RAP1GAP2: variants seen among roughly 807,000 people sequenced by gnomAD.
The protein encoded by RAP1GAP2 is rap1 GTPase-activating protein 2.
Under a neutral mutation model 95.0 loss-of-function variants are expected in RAP1GAP2, and 27 were observed. The observed-to-expected ratio is 0.28, with a 90% CI of 0.21 to 0.39. The LOEUF (loss-of-function observed/expected upper bound fraction) is 0.39, where lower values mean the gene tolerates loss of function less well. Among genes scored for constraint, RAP1GAP2 ranks in the 10% least tolerant of loss-of-function variants. The probability of loss-of-function intolerance (pLI) is 1.00; values close to 1 mark genes in which losing one functional copy is unlikely to be tolerated. For synonymous variants in RAP1GAP2, 373 were observed against 380.9 expected (o/e 0.98, Z 0.24); for missense variants, 771 against 970.0 (o/e 0.79, Z 2.72).
At chr17:2,807,912 C>T (rs539063673) in intron 2 of RAP1GAP2, among the ~76,000 whole-genome samples, 2 of 152,234 alleles carry the variant, frequency 1.3e-5, no homozygotes, top group Non-Finnish European at 2.9e-5. Flanking sequence ...GATATTGAGA[C>T]AGCCACGTAA....
intron 3 of RAP1GAP2, among the ~76,000 whole-genome samples, chr17:2,919,807 A>G (rs1016186155): frequency 1.3e-5 from 2 of 151,996 alleles, no homozygotes; most frequent in South Asian, 2.1e-4. Context: ...GGTTCAAGCA[A>G]TTCTCCTGCC....
intron 2 of RAP1GAP2, among the ~76,000 whole-genome samples, chr17:2,813,690 G>A (rs898754344): frequency 6.6e-6 from 1 of 152,070 alleles, no homozygotes; most frequent in African/African-American, 2.4e-5. Context: ...GGCCAGGCAT[G>A]GTGGCTCACA....
At chr17:2,953,708 A>T (rs977460923) in intron 3 of RAP1GAP2, among the ~76,000 whole-genome samples, 2 of 152,058 alleles carry the variant, frequency 1.3e-5, no homozygotes, top group African/African-American at 4.8e-5. Context: ...TTAGCTGGGC[A>T]TGGGGGCGCA....
At chr17:2,962,028 G>A (rs531061842) in intron 4 of RAP1GAP2, among the ~76,000 whole-genome samples, 176 of 151,722 alleles carry the variant, frequency 1.2e-3, no homozygotes, top group African/African-American at 4.1e-3. Flanking sequence ...TCAGCCTCCT[G>A]AGTAGCTGGG....
rs2072679536 is a variant in RAP1GAP2, at chr17:2,867,900, G to A, written c.81-37384G>A. 1.3e-5 allele frequency among the ~76,000 whole-genome samples: 2 copies of A among 152,136 alleles called. No individual in the cohort carries two copies. Among genetic ancestry groups the A allele is most frequent in the South Asian group, 2.1e-4 (1 of 4,822 alleles). On this transcript the variant is annotated intron_variant, in intron 2 of 24. Coordinates refer to ENST00000254695, the MANE Select transcript of RAP1GAP2 (RefSeq NM_015085.5). The surrounding 1 kb of genome is among the most constrained non-coding windows in gnomAD (Gnocchi z 4.5). ...GCTTCCTTCTGCCTTGGCTGGATGA[G>A]GTGTGCTTTCTTCTTCACGGATGCA...
At chr17:2,959,696 G>A (rs2044241480) in intron 4 of RAP1GAP2, among the ~76,000 whole-genome samples, 1 of 152,238 alleles carries the variant, frequency 6.6e-6, no homozygotes, top group Non-Finnish European at 1.5e-5. Flanking sequence ...ACTGGGAGAA[G>A]GCAGAAGCTT....
chr17:2,912,109 G>A lies in RAP1GAP2; in HGVS notation c.165+6741G>A, dbSNP rs77015178. Among the ~76,000 whole-genome samples the A allele has an allele frequency of 8.3e-3, 1,259 of 152,308 alleles. 17 individuals carry two copies. Among genetic ancestry groups the A allele is most frequent in the African/African-American group, 0.029 (1,211 of 41,570 alleles). On this transcript the variant is annotated intron_variant, in intron 3 of 24. Coordinates refer to ENST00000254695, the MANE Select transcript of RAP1GAP2 (RefSeq NM_015085.5). The stretch of plus-strand genomic sequence containing the variant: ...GCTCCTTGGCACGTGGCTCTCCACG[G>A]CCAGGGAATGCCCCCACCGCCTCTA...
intron 8 of RAP1GAP2, among the ~76,000 whole-genome samples, chr17:2,975,147 T>C (rs2045055407): frequency 6.6e-6 from 1 of 152,164 alleles, no homozygotes; most frequent in Admixed American, 6.5e-5. Flanking sequence ...GGAGAATCAC[T>C]TGGACCTGGG....
intron 3 of RAP1GAP2, among the ~76,000 whole-genome samples, chr17:2,913,512 C>T (rs1476126026): frequency 6.6e-6 from 1 of 152,132 alleles, no homozygotes; most frequent in Non-Finnish European, 1.5e-5. Context: ...TGCTCTCAAA[C>T]TCCTGACCTC....
intron 2 of RAP1GAP2, among the ~76,000 whole-genome samples, chr17:2,875,627 C>T (rs564391877): frequency 3.3e-5 from 5 of 152,150 alleles, no homozygotes; most frequent in South Asian, 2.1e-4. Flanking sequence ...TGGGCCTGAC[C>T]GTGACAGGAG....
At chr17:2,772,855 C>CTTTCTTTTTTTTTTTTTTT (rs1555540245), upstream of RAP1GAP2, among the ~76,000 whole-genome samples, 1 of 126,040 alleles carries the variant, frequency 7.9e-6, no homozygotes, top group Admixed American at 8.3e-5. Context: ...TTCTTTCTTT[C>CTTTCTTTTTTTTTTTTTTT]TTTTTTTTTT....
chr17:2,891,803 A>G (rs937714424), intron 2 of RAP1GAP2, among the ~76,000 whole-genome samples: 4 of 114,946 alleles, frequency 3.5e-5, no homozygotes, highest in Admixed American at 2.8e-4. Context: ...ATGCAGATTC[A>G]TATTTCTTTT....
intron 3 of RAP1GAP2, among the ~76,000 whole-genome samples, chr17:2,908,170 C>T (rs546591270): frequency 6.6e-6 from 1 of 152,244 alleles, no homozygotes; most frequent in Admixed American, 6.5e-5. Flanking sequence ...AGAAGCACTG[C>T]TGTGGGCCTC....
rs777346810 is a variant in RAP1GAP2 at position 3,018,129 on chromosome 17, G to T, written c.1563G>T (p.Gly521=). The change falls in exon 18 of 25, where the codon GGG becomes GGT. Residue 521 remains glycine (G), a synonymous_variant. Coordinates refer to ENST00000254695, the MANE Select transcript of RAP1GAP2 (RefSeq NM_015085.5). ...GCGGCCAGAAGAAGTCGCACAGTGG[G>T]GGCATCCCTGGCAGCCTCAGCGGGG... ...MVGGQKKSHS[G]GIPGSLSGGI... The T allele has an allele frequency of 6.3e-7, 1 of 1,587,094 alleles. No homozygotes were observed. The highest frequency in any genetic ancestry group is 1.1e-5 in the South Asian group (1 of 86,968).
At chr17:2,832,214 A>AAC (rs1273311672) in intron 2 of RAP1GAP2, among the ~76,000 whole-genome samples, 1 of 149,564 alleles carries the variant, frequency 6.7e-6, no homozygotes, top group Non-Finnish European at 1.5e-5. Flanking sequence ...CAAAAAAAAA[A>AAC]AGAAAACAAA....
chr17:2,826,147 ATTTTTT>A (rs71150901), intron 2 of RAP1GAP2, among the ~76,000 whole-genome samples: 216 of 108,862 alleles, frequency 2.0e-3, no homozygotes, highest in African/African-American at 6.6e-3. Flanking sequence ...CGCCCAGCAA[ATTTTTT>A]TTTTTTTTTT....
intron 8 of RAP1GAP2, among the ~76,000 whole-genome samples, chr17:2,968,470 A>G (rs1337070225): frequency 1.3e-5 from 2 of 152,172 alleles, no homozygotes; most frequent in Admixed American, 1.3e-4. Flanking sequence ...GAAGACTTAA[A>G]TCTGAAAATC....
chr17:2,969,113 T>A lies in RAP1GAP2; in HGVS notation c.596+3470T>A, dbSNP rs529822389. On this transcript the variant is annotated intron_variant, in intron 8 of 24. Coordinates refer to ENST00000254695, the MANE Select transcript of RAP1GAP2 (RefSeq NM_015085.5). ...ATCACTTGACATATCAATACTAGGG[T>A]TAGAAATGACATTTATTCATCTCAA... Among the ~76,000 whole-genome samples, 3 of 152,088 alleles carry A rather than the reference T, an allele frequency of 2.0e-5. No individual in the cohort carries two copies. In the South Asian group the frequency reaches 6.2e-4, roughly 31 times the overall value.
At chr17:2,847,838 C>T (rs561160462) in intron 2 of RAP1GAP2, among the ~76,000 whole-genome samples, 1 of 152,256 alleles carries the variant, frequency 6.6e-6, no homozygotes, top group African/African-American at 2.4e-5. Context: ...GTACTGACTC[C>T]TGGGCGGCCT....
Sources: gnomAD v4.1 joint callset for allele counts (sites outside exome capture counted in the v4.1 genomes callset) on GRCh38, gnomAD v4.1.1 for gene constraint, Gnocchi (gnomAD v3.1) non-coding constraint, MANE v1.5 for transcripts, NCBI Gene and HGNC (gene_info 2026-07-23, HGNC 2026-07-21) for gene names.